MSI2: variants seen among roughly 807,000 people sequenced by gnomAD.
MSI2 encodes RNA-binding protein Musashi homolog 2.
MSI2 carries 17 observed loss-of-function variants against 45.6 expected under a neutral mutation model. The ratio of observed to expected loss-of-function variants is 0.37; its 90% CI spans 0.26 to 0.56. The LOEUF (loss-of-function observed/expected upper bound fraction) is 0.56. Ranked by LOEUF, MSI2 falls within the 20% of genes least tolerant of loss-of-function variation. MSI2 has a pLI of 0.77. For synonymous variants in MSI2, 156 were observed against 158.2 expected (o/e 0.99, Z 0.11); for missense variants, 293 against 444.2 (o/e 0.66, Z 3.06).
intron 8 of MSI2, among the ~76,000 whole-genome samples, chr17:57,598,772 C>T (rs576841102): frequency 6.6e-6 from 1 of 152,174 alleles, no homozygotes; most frequent in Non-Finnish European, 1.5e-5. Flanking sequence ...AAGCAATTCT[C>T]CTGCCTCAGC....
chr17:57,597,050 C>T, intron 8 of MSI2, 100 bp downstream of exon 8: 1 of 867,102 alleles, frequency 1.2e-6, no homozygotes, highest in Non-Finnish European at 1.9e-6. Context: ...CTGGAGTGGG[C>T]AGGGGTGGGG....
chr17:57,600,488 C>T (rs1325967285), intron 8 of MSI2, among the ~76,000 whole-genome samples: 1 of 152,210 alleles, frequency 6.6e-6, no homozygotes, highest in Non-Finnish European at 1.5e-5. Context: ...AAAGGATTCA[C>T]TGAAGGACCA....
chr17:57,682,699 T>C lies in MSI2; in HGVS notation c.*3182T>C, dbSNP rs992622346. On this transcript the variant is annotated 3_prime_UTR_variant, in exon 14 of 14. Coordinates refer to ENST00000284073, the MANE Select transcript of MSI2 (RefSeq NM_138962.4). Reference sequence around the variant, plus strand: ...GTTTCAGCCTCGTCTTTGTTTCAGTTAAGCTCAATGGCGAACATGGGAACC... The same window carrying C: ...GTTTCAGCCTCGTCTTTGTTTCAGTCAAGCTCAATGGCGAACATGGGAACC... The C allele has an allele frequency of 1.4e-5, 3 of 217,756 alleles. No individual in the cohort carries two copies. The highest frequency in any genetic ancestry group is 2.8e-5 in the Non-Finnish European group (3 of 108,440). 13.5% of individuals were successfully genotyped at this position (217,756 alleles called of 1,614,324 possible).
chr17:57,532,921 T>C (rs978220598), intron 7 of MSI2, among the ~76,000 whole-genome samples: 35 of 152,278 alleles, frequency 2.3e-4, no homozygotes, highest in African/African-American at 8.2e-4. Flanking sequence ...CCCAGGAATT[T>C]TGACAGCTAC....
intron 5 of MSI2, among the ~76,000 whole-genome samples, chr17:57,316,128 C>T (rs983505435): frequency 4.6e-5 from 7 of 151,782 alleles, no homozygotes; most frequent in African/African-American, 1.7e-4. Flanking sequence ...AACCAGGTGC[C>T]CTCTTGTACT....
intron 6 of MSI2, among the ~76,000 whole-genome samples, chr17:57,498,130 A>T (rs2086018539): frequency 6.6e-6 from 1 of 152,226 alleles, no homozygotes; most frequent in Admixed American, 6.5e-5. Flanking sequence ...ACCCTTAAAA[A>T]GTAAATATCT....
intron 11 of MSI2, among the ~76,000 whole-genome samples, chr17:57,665,934 G>A (rs947756428): frequency 6.6e-6 from 1 of 152,210 alleles, no homozygotes; most frequent in Non-Finnish European, 1.5e-5. Flanking sequence ...GGGTGGCCTA[G>A]TCCTCAGGAG....
chr17:57,409,603 TG>T (rs1340936169), intron 6 of MSI2, among the ~76,000 whole-genome samples: 1 of 152,166 alleles, frequency 6.6e-6, no homozygotes, highest in Non-Finnish European at 1.5e-5. Flanking sequence ...TTCTTCTTTG[TG>T]GGACGTTTGT....
chr17:57,269,528 T>C (rs1172710736), intron 5 of MSI2, among the ~76,000 whole-genome samples: 2 of 152,212 alleles, frequency 1.3e-5, no homozygotes, highest in African/African-American at 4.8e-5. Flanking sequence ...GGAGTGATGC[T>C]CTTAGCAGAT....
chr17:57,692,136 G>A, the MSI2 span, among the ~76,000 whole-genome samples: 1 of 152,112 alleles, frequency 6.6e-6, no homozygotes, highest in African/African-American at 2.4e-5. Context: ...TTAATCTGCT[G>A]ATATTGCGAT....
chr17:57,283,924 C>A lies in MSI2; in HGVS notation c.312+21732C>A, dbSNP rs571412168. Among the ~76,000 whole-genome samples, 133 of 152,328 alleles carry A rather than the reference C, an allele frequency of 8.7e-4. 1 individual carries two copies. Among genetic ancestry groups the A allele is most frequent in the African/African-American group, 3.1e-3 (127 of 41,580 alleles). The stretch of plus-strand genomic sequence containing the variant: ...GTGCCCAGCAGGTCCATGTTTCTAT[C>A]CCGGAGACCCTTGGGTTAGGAAATA... On this transcript the variant is annotated intron_variant, in intron 5 of 13. Coordinates refer to ENST00000284073, the MANE Select transcript of MSI2 (RefSeq NM_138962.4).
At chr17:57,607,209 A>G (rs1442108755) in intron 8 of MSI2, among the ~76,000 whole-genome samples, 1 of 152,220 alleles carries the variant, frequency 6.6e-6, no homozygotes, top group Admixed American at 6.5e-5. Flanking sequence ...GGCTGTGCCT[A>G]GTTATGGATA....
At chr17:57,584,791 G>GTTT (rs35283984) in intron 7 of MSI2, among the ~76,000 whole-genome samples, 34 of 144,430 alleles carry the variant, frequency 2.4e-4, no homozygotes, top group African/African-American at 8.7e-4. Context: ...GATGATTTGG[G>GTTT]TTTTTTTTTT....
At chr17:57,372,449 G>A (rs1448809691) in intron 5 of MSI2, among the ~76,000 whole-genome samples, 1 of 152,194 alleles carries the variant, frequency 6.6e-6, no homozygotes, top group Non-Finnish European at 1.5e-5. Context: ...GTTTACAAAT[G>A]TGGCAAATTT....
chr17:57,345,292 T>A (rs1435516080), intron 5 of MSI2, among the ~76,000 whole-genome samples: 1 of 152,186 alleles, frequency 6.6e-6, no homozygotes, highest in East Asian at 1.9e-4. Flanking sequence ...AATTTAATTT[T>A]ATTTAATATA....
intron 5 of MSI2, chr17:57,285,778 A>AT: frequency 7.9e-7 from 1 of 1,263,446 alleles, no homozygotes; most frequent in East Asian, 2.7e-5. Context: ...AGCAAGCATC[A>AT]TTATATTTTT....
chr17:57,413,818 A>G (rs1481697655), intron 6 of MSI2, among the ~76,000 whole-genome samples: 1 of 151,982 alleles, frequency 6.6e-6, no homozygotes, highest in Non-Finnish European at 1.5e-5. Context: ...GATCTTGAAA[A>G]GCTCCGCAAT....
At chr17:57,647,755 G>A (rs930002680) in intron 10 of MSI2, among the ~76,000 whole-genome samples, 3 of 145,852 alleles carry the variant, frequency 2.1e-5, no homozygotes, top group Non-Finnish European at 4.5e-5. Context: ...AGCAATTCTC[G>A]TGCCTCCGCC....
chr17:57,395,384 A>G (rs1429112160), intron 5 of MSI2, among the ~76,000 whole-genome samples: 3 of 152,200 alleles, frequency 2.0e-5, no homozygotes, highest in African/African-American at 7.2e-5. Context: ...GAAGATGCCC[A>G]ATACCTGACC....
Sources: allele counts gnomAD v4.1 joint callset (sites outside exome capture counted in the v4.1 genomes callset), GRCh38; gene constraint gnomAD v4.1.1; transcripts MANE v1.5; gene names NCBI Gene and HGNC (gene_info 2026-07-23, HGNC 2026-07-21).